XKR9: variants seen among roughly 807,000 people sequenced by gnomAD.
XKR9 encodes the protein XK-related protein 9.
Under a neutral mutation model 32.0 loss-of-function variants are expected in XKR9, and 32 were observed. The observed-to-expected ratio is 1.00, with a 90% confidence interval of 0.76 to 1.34. The LOEUF (loss-of-function observed/expected upper bound fraction) is 1.34, where lower values mean the gene tolerates loss of function less well. Among genes scored for constraint, XKR9 ranks in the 40% most tolerant of loss-of-function variants. The probability of loss-of-function intolerance (pLI) is 0.00; values close to 1 mark genes in which losing one functional copy is unlikely to be tolerated. For synonymous variants in XKR9, 168 were observed against 143.4 expected, an observed-to-expected ratio of 1.17 and a Z score of -1.22; for missense variants, 546 against 429.7, an observed-to-expected ratio of 1.27 and a Z score of -2.39.
At chr8:70,890,504 G>A in the XKR9 span, among the ~76,000 whole-genome samples, 1 of 151,834 alleles carries the variant, frequency 6.6e-6, no homozygotes, top group Admixed American at 6.6e-5. Context: ...CTTGTTGAGA[G>A]TTTTATTATA....
chr8:70,776,098 C>G (rs1179354276), intron 2 of XKR9, among the ~76,000 whole-genome samples: 2 of 151,960 alleles, frequency 1.3e-5, no homozygotes, highest in African/African-American at 4.8e-5. Context: ...TTGGGAAAGC[C>G]CTGTTTCACA....
chr8:70,695,919 T>A (rs1805256084), intron 3 of XKR9, among the ~76,000 whole-genome samples: 1 of 151,954 alleles, frequency 6.6e-6, no homozygotes, highest in African/African-American at 2.4e-5. Flanking sequence ...TGCATTTCTC[T>A]GATGGCCAGT....
chr8:70,994,704 T>C, the XKR9 span, among the ~76,000 whole-genome samples: 1 of 151,958 alleles, frequency 6.6e-6, no homozygotes, highest in Admixed American at 6.6e-5. Flanking sequence ...CATTACACAT[T>C]ACACACTTTG....
chr8:70,872,866 G>C, the XKR9 span, among the ~76,000 whole-genome samples: 1 of 152,138 alleles, frequency 6.6e-6, no homozygotes, highest in Non-Finnish European at 1.5e-5. Flanking sequence ...CTCCATGTTG[G>C]ACAGGCTGGT....
intron 2 of XKR9, among the ~76,000 whole-genome samples, chr8:70,771,419 T>A (rs990813664): frequency 4.6e-5 from 7 of 152,202 alleles, no homozygotes; most frequent in Non-Finnish European, 8.8e-5. Flanking sequence ...CCTTATTGAC[T>A]TGAAATTTTT....
At chr8:70,736,787 G>A (rs950888627), downstream of XKR9, among the ~76,000 whole-genome samples, 2 of 151,566 alleles carry the variant, frequency 1.3e-5, no homozygotes, top group African/African-American at 4.9e-5. Context: ...TAGATATGCG[G>A]CGTTATTTCT....
chr8:70,930,394 C>T, the XKR9 span, among the ~76,000 whole-genome samples: 1 of 152,120 alleles, frequency 6.6e-6, no homozygotes, highest in Non-Finnish European at 1.5e-5. Context: ...ATGACTTAGT[C>T]ATCTCTCTCA....
chr8:70,899,104 A>T, the XKR9 span, among the ~76,000 whole-genome samples: 1 of 151,950 alleles, frequency 6.6e-6, no homozygotes, highest in African/African-American at 2.4e-5. Flanking sequence ...TTTTGTAGTG[A>T]TGGGGTCTCA....
At chr8:71,031,945 A>G in the XKR9 span, among the ~76,000 whole-genome samples, 1 of 151,906 alleles carries the variant, frequency 6.6e-6, no homozygotes, top group East Asian at 1.9e-4. Context: ...ACTGCGGGAG[A>G]TTGTTTTTCT....
At chr8:70,691,223 C>A (rs1027168014) in intron 3 of XKR9, among the ~76,000 whole-genome samples, 1 of 152,116 alleles carries the variant, frequency 6.6e-6, no homozygotes, top group Non-Finnish European at 1.5e-5. Context: ...TGAGAGGGGT[C>A]TGTTCATGTC....
At chr8:70,811,988 A>G in the XKR9 span, among the ~76,000 whole-genome samples, 7 of 152,160 alleles carry the variant, frequency 4.6e-5, no homozygotes, top group Admixed American at 6.5e-5. Context: ...GACACAACCA[A>G]AAAAGAGAAT....
At chr8:71,060,133 T>TGGCC in the XKR9 span, among the ~76,000 whole-genome samples, 56 of 152,324 alleles carry the variant, frequency 3.7e-4, no homozygotes, top group African/African-American at 1.3e-3. Flanking sequence ...CCATGACTAG[T>TGGCC]TACATGTGGC....
At chr8:70,687,436 C>A (rs540813023) in intron 3 of XKR9, among the ~76,000 whole-genome samples, 1 of 150,680 alleles carries the variant, frequency 6.6e-6, no homozygotes. Context: ...ACAGGCTCAT[C>A]ATAGCTCATT....
the XKR9 span, among the ~76,000 whole-genome samples, chr8:70,862,997 G>T: frequency 6.6e-6 from 1 of 152,156 alleles, no homozygotes; most frequent in Non-Finnish European, 1.5e-5. Context: ...TGGCAGGAGG[G>T]AGCATGAGTT....
chr8:70,808,281 C>T, the XKR9 span, among the ~76,000 whole-genome samples: 1 of 152,090 alleles, frequency 6.6e-6, no homozygotes, highest in Non-Finnish European at 1.5e-5. Context: ...GTAAGAGGAA[C>T]AGTTATAGCA....
chr8:70,775,840 G>A (rs1416826487), intron 2 of XKR9, among the ~76,000 whole-genome samples: 2 of 151,804 alleles, frequency 1.3e-5, no homozygotes, highest in South Asian at 2.1e-4. Context: ...GATTTTTTGG[G>A]TTCAAGTGAT....
the XKR9 span, among the ~76,000 whole-genome samples, chr8:70,852,838 G>T: frequency 6.6e-6 from 1 of 152,048 alleles, no homozygotes; most frequent in Admixed American, 6.6e-5. Context: ...TCACATTCTG[G>T]GGTCCATTGG....
chr8:70,853,663 C>T, the XKR9 span, among the ~76,000 whole-genome samples: 3 of 151,954 alleles, frequency 2.0e-5, no homozygotes, highest in Non-Finnish European at 4.4e-5. Context: ...TCTCCTAATG[C>T]TATCCCTCCC....
chr8:70,930,817 C>T, the XKR9 span, among the ~76,000 whole-genome samples: 5 of 152,104 alleles, frequency 3.3e-5, no homozygotes, highest in Non-Finnish European at 5.9e-5. Flanking sequence ...TGGCTGTCAT[C>T]GCCACTTAGA....
Sources: allele counts gnomAD v4.1 joint callset (sites outside exome capture counted in the v4.1 genomes callset), GRCh38; gene constraint gnomAD v4.1.1; transcripts MANE v1.5; gene names NCBI Gene and HGNC (gene_info 2026-07-23, HGNC 2026-07-21).